Variants in SYNPR observed in about 807,000 individuals in gnomAD.
SYNPR encodes synaptoporin.
A neutral mutation model predicts 32.9 loss-of-function variants in SYNPR; 23 were observed. The ratio of observed to expected loss-of-function variants is 0.70; its 90% CI spans 0.50 to 0.99. The LOEUF is 0.99. Ranked by LOEUF, SYNPR falls within the 50% of genes least tolerant of loss-of-function variation. The probability of loss-of-function intolerance (pLI) is 0.00; values close to 1 mark genes in which losing one functional copy is unlikely to be tolerated. For missense variants in SYNPR, 318 were observed against 349.3 expected (o/e 0.91, Z 0.71); for synonymous variants, 146 against 135.9 (o/e 1.07, Z -0.52).
chr3:63,483,136 T>C (rs1331085566), intron 3 of SYNPR, among the ~76,000 whole-genome samples: 4 of 152,202 alleles, frequency 2.6e-5, no homozygotes, highest in Admixed American at 1.3e-4. Flanking sequence ...AAAATGTTCA[T>C]ATAAATACAC....
chr3:63,513,852 T>A (rs914026260), intron 3 of SYNPR, among the ~76,000 whole-genome samples: 15 of 151,976 alleles, frequency 9.9e-5, no homozygotes, highest in African/African-American at 3.4e-4. Flanking sequence ...AAAGAAAAAG[T>A]AGACTATTAT....
intron 2 of SYNPR, among the ~76,000 whole-genome samples, chr3:63,287,890 C>T (rs921582911): frequency 7.9e-5 from 12 of 152,116 alleles, no homozygotes; most frequent in African/African-American, 2.9e-4. Context: ...AGAACTTTTA[C>T]AGAAATAAAA....
chr3:63,292,406 G>T (rs1484846861), intron 2 of SYNPR, among the ~76,000 whole-genome samples: 1 of 152,078 alleles, frequency 6.6e-6, no homozygotes, highest in East Asian at 1.9e-4. Context: ...ACAATAAATT[G>T]TCATTTATTA....
intron 2 of SYNPR, among the ~76,000 whole-genome samples, chr3:63,452,869 GA>G (rs900834111): frequency 1.3e-5 from 2 of 151,954 alleles, no homozygotes; most frequent in Non-Finnish European, 2.9e-5. Flanking sequence ...AAAATGGAGG[GA>G]AAAAATGGAT....
At chr3:63,258,137 C>T (rs903139330) in intron 2 of SYNPR, among the ~76,000 whole-genome samples, 1 of 152,108 alleles carries the variant, frequency 6.6e-6, no homozygotes, top group African/African-American at 2.4e-5. Context: ...CTTTAACACC[C>T]CACTGTCAAC....
intron 2 of SYNPR, among the ~76,000 whole-genome samples, chr3:63,386,152 G>T (rs539450021): frequency 6.6e-6 from 1 of 152,122 alleles, no homozygotes; most frequent in Non-Finnish European, 1.5e-5. Flanking sequence ...GTCCATGGGC[G>T]TCAGCATCAC....
At chr3:63,417,239 G>A (rs1462364559) in intron 2 of SYNPR, among the ~76,000 whole-genome samples, 1 of 152,236 alleles carries the variant, frequency 6.6e-6, no homozygotes, top group Admixed American at 6.5e-5. Flanking sequence ...ATCCAGCAGG[G>A]CAGTAAAATC....
chr3:63,375,768 TA>T (rs1210341304), intron 2 of SYNPR, among the ~76,000 whole-genome samples: 2 of 152,158 alleles, frequency 1.3e-5, no homozygotes, highest in African/African-American at 4.8e-5. Context: ...CTCCTACTTT[TA>T]AAAATTACTG....
intron 2 of SYNPR, among the ~76,000 whole-genome samples, chr3:63,402,607 A>G (rs533743193): frequency 3.3e-5 from 5 of 152,202 alleles, no homozygotes; most frequent in Non-Finnish European, 7.3e-5. Context: ...GATGACTCCA[A>G]GATGAAGGAA....
At chr3:63,400,535 G>T (rs541679882) in intron 2 of SYNPR, among the ~76,000 whole-genome samples, 1 of 152,318 alleles carries the variant, frequency 6.6e-6, no homozygotes, top group East Asian at 1.9e-4. Flanking sequence ...TCAAAACATG[G>T]CAGCTGATAT....
intron 2 of SYNPR, among the ~76,000 whole-genome samples, chr3:63,308,132 A>G (rs2086926814): frequency 6.6e-6 from 1 of 152,068 alleles, no homozygotes; most frequent in Non-Finnish European, 1.5e-5. Context: ...TTAAGTTGAG[A>G]GATGAAAAGA....
chr3:63,477,576 A>T (rs1700953085), intron 2 of SYNPR, among the ~76,000 whole-genome samples: 1 of 151,784 alleles, frequency 6.6e-6, no homozygotes, highest in South Asian at 2.1e-4. Flanking sequence ...GCTTACTCAC[A>T]CCTTTATCTC....
At chr3:63,391,483 G>A (rs1009144805) in intron 2 of SYNPR, among the ~76,000 whole-genome samples, 49 of 152,130 alleles carry the variant, frequency 3.2e-4, no homozygotes, top group African/African-American at 1.2e-3. Context: ...AGCACCATAA[G>A]CATCCACTAC....
At chr3:63,597,192 T>C (rs755169556) in intron 4 of SYNPR, among the ~76,000 whole-genome samples, 17 of 152,136 alleles carry the variant, frequency 1.1e-4, no homozygotes, top group Non-Finnish European at 2.2e-4. Context: ...GGCGTCCTCA[T>C]TCCCTGCTCT....
intron 3 of SYNPR, among the ~76,000 whole-genome samples, chr3:63,550,868 A>G (rs1189874516): frequency 6.6e-6 from 1 of 152,178 alleles, no homozygotes; most frequent in East Asian, 1.9e-4. Context: ...AGACCCCACA[A>G]TGGGGGCCCC....
intron 2 of SYNPR, among the ~76,000 whole-genome samples, chr3:63,362,005 T>G (rs1436096454): frequency 6.6e-6 from 1 of 152,190 alleles, no homozygotes; most frequent in Non-Finnish European, 1.5e-5. Flanking sequence ...CCATTCTCTA[T>G]CCCTTTGGTT....
chr3:63,430,523 A>T (rs1216227820), intron 2 of SYNPR, among the ~76,000 whole-genome samples: 2 of 152,188 alleles, frequency 1.3e-5, no homozygotes, highest in Non-Finnish European at 2.9e-5. Flanking sequence ...AAGATGGAGG[A>T]AGAAAAGCAC....
At chr3:63,418,407 G>A (rs1389272460) in intron 2 of SYNPR, among the ~76,000 whole-genome samples, 1 of 152,118 alleles carries the variant, frequency 6.6e-6, no homozygotes, top group Non-Finnish European at 1.5e-5. Context: ...GTTCTTCTGA[G>A]CCCTCCAAAC....
intron 3 of SYNPR, among the ~76,000 whole-genome samples, chr3:63,540,930 A>ACACACACACACACAC (rs1553644965): frequency 0.014 from 1,759 of 122,696 alleles, 21 homozygotes; most frequent in African/African-American, 0.022. Flanking sequence ...TCCCCCCCCC[A>ACACACACACACACAC]ACACACACAC....
Sources: allele counts gnomAD v4.1 joint callset (sites outside exome capture counted in the v4.1 genomes callset), GRCh38; gene constraint gnomAD v4.1.1; transcripts MANE v1.5; gene names NCBI Gene and HGNC (gene_info 2026-07-23, HGNC 2026-07-21).